Variants in DNAJC11 observed in about 807,000 individuals in gnomAD.
DNAJC11 encodes DnaJ heat shock protein family (Hsp40) member C11, also known as dnaJ homolog subfamily C member 11.
In DNAJC11, 15 loss-of-function variants were observed where a neutral mutation model predicts 78.6. That is an observed-to-expected ratio of 0.19 (90% CI 0.13 to 0.29). DNAJC11 has a LOEUF of 0.29. Ranked by LOEUF, DNAJC11 falls within the 10% of genes least tolerant of loss-of-function variation. The probability of loss-of-function intolerance (pLI) is 1.00; values close to 1 mark genes in which losing one functional copy is unlikely to be tolerated. For missense variants in DNAJC11, 547 were observed against 709.6 expected (o/e 0.77, Z 2.60); for synonymous variants, 292 against 272.1 (o/e 1.07, Z -0.72).
Position 6,634,665 on chromosome 1 carries a change from C to G in DNAJC11, c.*1010G>C. On this transcript the variant is annotated 3_prime_UTR_variant, in exon 16 of 16. Transcript: ENST00000377577. The stretch of plus-strand genomic sequence containing the variant: ...GGCCGTGGAGGGGGTCCTAGCTCCG[C>G]TGCATTCTGCATCCCAAGTGGGCAC... The G allele has an allele frequency of 1.5e-6, 2 of 1,366,422 alleles. No individual in the cohort carries two copies. The highest frequency in any genetic ancestry group is 1.1e-5 in the South Asian group (1 of 87,976). The allele number at this position is 1,366,422 out of a possible 1,614,324, so 84.6% of individuals were successfully genotyped here. A position where few individuals can be genotyped will look rare whatever the true frequency, so the allele number is the denominator to read the frequency against.
intron 1 of DNAJC11, 118 bp from the exon 2 acceptor site, chr1:6,681,155 T>C (rs1642545735): frequency 1.1e-5 from 12 of 1,090,828 alleles, no homozygotes; most frequent in Non-Finnish European, 1.6e-5. Flanking sequence ...GCTCTCGACA[T>C]ACAGGATGTA....
At chr1:6,644,955 G>T in intron 9 of DNAJC11, 86 bp downstream of exon 9, 1 of 1,275,360 alleles carries the variant, frequency 7.8e-7, no homozygotes, top group Non-Finnish European at 1.1e-6. Context: ...ATTCACACGA[G>T]CAAGGTGTCT....
chr1:6,653,007 G>A lies in DNAJC11; in HGVS notation c.508-56C>T, dbSNP rs1391895431. 2.5e-6 allele frequency: 4 copies of A among 1,609,310 alleles called. No homozygotes were observed. Among genetic ancestry groups the A allele is most frequent in the East Asian group, 4.5e-5 (2 of 44,818 alleles). ...ATCAAAACAACAGGAAGTGCCAATG[G>A]CAGCAGCCTAAAGAACGCACTGTGA... On this transcript the variant is annotated intron_variant, in intron 5 of 15. Transcript: ENST00000377577. The surrounding 1 kb of genome is among the most constrained non-coding windows in gnomAD (Gnocchi z 4.5).
At position 6,639,910 on chromosome 1, in the gene DNAJC11, C is replaced by G; in HGVS notation, c.1245G>C (p.Gln415His). The change falls in exon 11 of 16, where the codon CAG becomes CAC. Residue 415 changes from glutamine to histidine, a missense_variant. Physicochemically the swap from Gln to His is conservative, Grantham distance 24 (BLOSUM62 0). Transcript: ENST00000377577. ...ATGACGTGTCAACTCACTTCTCTTT[C>G]TGAGCCCTGAGGTATGGTTTGATGA... Reference protein sequence around the residue: ...RLIIKPYLRAQKEKELEKQRE... With the variant: ...RLIIKPYLRAHKEKELEKQRE... The G allele has an allele frequency of 8.7e-6, 14 of 1,612,796 alleles. No individual in the cohort carries two copies. Among genetic ancestry groups the G allele is most frequent in the Non-Finnish European group, 1.2e-5 (14 of 1,179,622 alleles).
At chr1:6,649,841 G>A (rs1642026576) in intron 7 of DNAJC11, among the ~76,000 whole-genome samples, 1 of 151,882 alleles carries the variant, frequency 6.6e-6, no homozygotes, top group South Asian at 2.1e-4. Flanking sequence ...CCAAGTAGCT[G>A]GGACTACAGG....
chr1:6,663,615 A>G (rs1642251189), intron 4 of DNAJC11, among the ~76,000 whole-genome samples: 2 of 152,214 alleles, frequency 1.3e-5, no homozygotes, highest in African/African-American at 4.8e-5. Flanking sequence ...AGGGTGGTCC[A>G]GTCAGGTCTA....
Position 6,653,835 on chromosome 1 carries a change from A to G in DNAJC11, c.507+76T>C. 1 of 1,561,364 alleles carries G rather than the reference A, an allele frequency of 6.4e-7. No individual in the cohort carries two copies. The highest frequency in any genetic ancestry group is 8.8e-7 in the Non-Finnish European group (1 of 1,141,922). ...TGAGAAAAACCCTGGGCAGACTCTC[A>G]TTCCAGCTGCTTGGTGTGCTGTGCC... On this transcript the variant is annotated intron_variant, in intron 5 of 15. Transcript: ENST00000377577. The surrounding 1 kb of genome is among the most constrained non-coding windows in gnomAD (Gnocchi z 4.5).
chr1:6,692,704 G>A (rs768304974), intron 1 of DNAJC11, among the ~76,000 whole-genome samples: 5 of 146,560 alleles, frequency 3.4e-5, no homozygotes, highest in East Asian at 2.0e-4. Flanking sequence ...TCTGCCTCCC[G>A]GGTTCAAGTG....
chr1:6,701,460 G>T (rs1220865413), intron 1 of DNAJC11, among the ~76,000 whole-genome samples: 1 of 152,338 alleles, frequency 6.6e-6, no homozygotes, highest in South Asian at 2.1e-4. Flanking sequence ...TGAGCGTGCG[G>T]GGGCCTCTGG....
chr1:6,647,433 C>T (rs965235928), intron 7 of DNAJC11, among the ~76,000 whole-genome samples: 7 of 152,230 alleles, frequency 4.6e-5, no homozygotes, highest in African/African-American at 1.4e-4. Context: ...GTAACTCCAT[C>T]GTAAATCAAG....
At chr1:6,642,023 ATACT>A (rs1641885899) in intron 10 of DNAJC11, among the ~76,000 whole-genome samples, 2 of 152,168 alleles carry the variant, frequency 1.3e-5, no homozygotes, top group South Asian at 2.1e-4. Context: ...CAGACAGCAG[ATACT>A]TACAGGGAGT....
intron 4 of DNAJC11, among the ~76,000 whole-genome samples, chr1:6,663,844 T>C (rs1642255801): frequency 6.6e-6 from 1 of 152,164 alleles, no homozygotes. Context: ...GTCCAAAGAC[T>C]CAACCCAGAA....
In DNAJC11 at chr1:6,652,843, T is replaced by C; in HGVS notation, c.616A>G (p.Lys206Glu). 2 of 1,614,152 alleles carry C rather than the reference T, an allele frequency of 1.2e-6. No homozygotes were observed. Among genetic ancestry groups the C allele is most frequent in the South Asian group, 2.2e-5 (2 of 91,084 alleles). The change falls in exon 6 of 16, where the codon AAG (lysine) becomes GAG (glutamate). Residue 206 changes from lysine (K) to glutamate (E), a missense_variant. By Grantham distance (56) the Lys-to-Glu change is moderately conservative (BLOSUM62 1). Coordinates refer to ENST00000377577, the MANE Select transcript of DNAJC11 (RefSeq NM_018198.4). ...GACATTCTTACCTCTCCCCATCCCTTTGCCGAAGTTACTCGTCTGAGCGCA... is the reference window on the plus strand; with the variant it reads ...GACATTCTTACCTCTCCCCATCCCTCTGCCGAAGTTACTCGTCTGAGCGCA... ...NFALRRVTSA[K>E]GWGELEFGAG...
chr1:6,664,751 C>T (rs1185172159), intron 4 of DNAJC11, among the ~76,000 whole-genome samples: 1 of 152,142 alleles, frequency 6.6e-6, no homozygotes, highest in African/African-American at 2.4e-5. Flanking sequence ...CAACTTGGCA[C>T]AGTAGTCAGG....
At chr1:6,684,004 C>A (rs955623004) in intron 1 of DNAJC11, among the ~76,000 whole-genome samples, 2 of 151,904 alleles carry the variant, frequency 1.3e-5, no homozygotes, top group African/African-American at 4.8e-5. Context: ...GGAAAATAAT[C>A]TTTTCCAGGT....
rs1183660292 is a variant in DNAJC11 at position 6,680,414 on chromosome 1, A to G, written c.202+494T>C. 6.6e-6 allele frequency among the ~76,000 whole-genome samples: 1 copy of G among 152,210 alleles called. No individual in the cohort carries two copies. Among genetic ancestry groups the G allele is most frequent in the African/African-American group, 2.4e-5 (1 of 41,454 alleles). On this transcript the variant is annotated intron_variant, in intron 2 of 15. Coordinates refer to ENST00000377577, the MANE Select transcript of DNAJC11 (RefSeq NM_018198.4). This position sits in a 1 kb window ranked among gnomAD's most constrained non-coding sequence, Gnocchi z 4.0. ...TCACAGAATGTTCTTTCTGACATAC[A>G]TAAGACATAAGTATAAAAATGTGAA...
chr1:6,665,657 A>T (rs1642282472), intron 4 of DNAJC11, among the ~76,000 whole-genome samples: 2 of 152,164 alleles, frequency 1.3e-5, no homozygotes, highest in South Asian at 4.1e-4. Flanking sequence ...TTCCACAGAA[A>T]CATGGCCTGC....
chr1:6,643,277 AT>A (rs60341247), intron 10 of DNAJC11, among the ~76,000 whole-genome samples: 44,323 of 138,052 alleles, frequency 0.32, 6,967 homozygotes, highest in South Asian at 0.46. Context: ...GAAAACAGAC[AT>A]TTTTTTTTTT....
intron 1 of DNAJC11, among the ~76,000 whole-genome samples, chr1:6,691,649 T>C (rs377364593): frequency 4.6e-5 from 7 of 152,232 alleles, no homozygotes; most frequent in African/African-American, 1.7e-4. Flanking sequence ...GGCATTTTAC[T>C]GCTGAAGAAT....
Sources: allele counts gnomAD v4.1 joint callset (sites outside exome capture counted in the v4.1 genomes callset), GRCh38; gene constraint gnomAD v4.1.1; non-coding constraint Gnocchi (gnomAD v3.1); transcripts MANE v1.5; gene names NCBI Gene and HGNC (gene_info 2026-07-23, HGNC 2026-07-21).